Variants in MRPL1 observed in about 807,000 individuals in gnomAD.
MRPL1 encodes mitochondrial ribosomal protein L1.
MRPL1 carries 28 observed loss-of-function variants against 38.0 expected under a neutral mutation model. The ratio of observed to expected loss-of-function variants is 0.74; its 90% CI spans 0.55 to 1.01. MRPL1 has a LOEUF of 1.01. Among genes scored for constraint, MRPL1 ranks in the 50% least tolerant of loss-of-function variants. MRPL1 has a pLI of 0.00. For missense variants in MRPL1, 358 were observed against 389.8 expected (o/e 0.92, Z 0.69); for synonymous variants, 123 against 126.7 (o/e 0.97, Z 0.20).
At position 77,896,212 on chromosome 4, in the gene MRPL1, CT is replaced by C. The variant is rs1560464762; in HGVS notation, c.670+1968del. Among the ~76,000 whole-genome samples the C allele has an allele frequency of 2.4e-5, 3 of 123,386 alleles. No individual in the cohort carries two copies. The South Asian group carries it at 7.5e-4, about 31-fold the overall frequency. 80.9% of individuals were successfully genotyped at this position (123,386 alleles called of 152,430 possible). A position where few individuals can be genotyped will look rare whatever the true frequency, so the allele number is the denominator to read the frequency against. On this transcript the variant is annotated intron_variant, in intron 6 of 8. Transcript: ENST00000315567. ...TCATTGGCATCTCAATATTTGGAAC[CT>C]TTTTTAGTTTTCAAATACCTTATTT...
At chr4:77,952,076 C>T (rs140836806) in intron 8 of MRPL1, among the ~76,000 whole-genome samples, 2 of 152,288 alleles carry the variant, frequency 1.3e-5, no homozygotes, top group Admixed American at 6.5e-5. Context: ...TTGAACTGCA[C>T]GGTGGCAGAA....
At chr4:77,948,421 G>A (rs921331135) in intron 7 of MRPL1, among the ~76,000 whole-genome samples, 3 of 152,288 alleles carry the variant, frequency 2.0e-5, no homozygotes, top group Non-Finnish European at 4.4e-5. Context: ...ATTAAAGTCT[G>A]TACGGTGTAT....
intron 7 of MRPL1, among the ~76,000 whole-genome samples, chr4:77,930,088 T>G (rs777814699): frequency 1.2e-4 from 19 of 152,164 alleles, no homozygotes; most frequent in Non-Finnish European, 2.9e-5. Flanking sequence ...AGTTTGCCAT[T>G]TGTCCCCTTC....
intron 7 of MRPL1, among the ~76,000 whole-genome samples, chr4:77,918,567 G>A (rs1436683893): frequency 6.6e-6 from 1 of 152,038 alleles, no homozygotes; most frequent in East Asian, 1.9e-4. Flanking sequence ...CCCATCCCAT[G>A]GTCCATAGCT....
At chr4:77,880,883 C>T (rs1391207954) in intron 2 of MRPL1, among the ~76,000 whole-genome samples, 2 of 152,154 alleles carry the variant, frequency 1.3e-5, no homozygotes, top group African/African-American at 2.4e-5. Flanking sequence ...ATGACCTTGG[C>T]TGGACTTGTA....
At chr4:77,882,400 G>A (rs1467919747) in intron 2 of MRPL1, among the ~76,000 whole-genome samples, 1 of 152,106 alleles carries the variant, frequency 6.6e-6, no homozygotes, top group East Asian at 1.9e-4. Flanking sequence ...ACTCACAGTT[G>A]TGCAGCCATC....
chr4:77,918,036 A>T (rs35938368), intron 7 of MRPL1, among the ~76,000 whole-genome samples: 1,563 of 149,678 alleles, frequency 0.01, 12 homozygotes, highest in Non-Finnish European at 0.018. Context: ...CCTGGGCAAC[A>T]GAGCGAGACT....
At chr4:77,889,992 C>T (rs1484471255) in intron 5 of MRPL1, among the ~76,000 whole-genome samples, 1 of 152,134 alleles carries the variant, frequency 6.6e-6, no homozygotes, top group Admixed American at 6.5e-5. Flanking sequence ...TAATTAATAG[C>T]CTATCAACCA....
chr4:77,893,085 C>T (rs376169644), intron 5 of MRPL1, among the ~76,000 whole-genome samples: 1 of 152,056 alleles, frequency 6.6e-6, no homozygotes, highest in Non-Finnish European at 1.5e-5. Context: ...TTTAATTCAC[C>T]GTGTACCCCT....
In MRPL1 at chr4:77,942,328, G is replaced by A. The variant is rs534035340; in HGVS notation, c.778-7469G>A. 3.8e-4 allele frequency among the ~76,000 whole-genome samples: 58 copies of A among 152,280 alleles called. 1 individual carries two copies. The South Asian group carries it at 0.012, about 31-fold the overall frequency. On this transcript the variant is annotated intron_variant, in intron 7 of 8. Transcript: ENST00000315567. ...TGTTCCATGTGCTGATGAATGGAAT[G>A]TATATTCTGCAGTTGTTGGGTAGAA...
At chr4:77,936,578 C>T (rs1319519996) in intron 7 of MRPL1, among the ~76,000 whole-genome samples, 1 of 152,208 alleles carries the variant, frequency 6.6e-6, no homozygotes, top group East Asian at 1.9e-4. Flanking sequence ...TGTTAGAATA[C>T]AACTGTGCTC....
At chr4:77,928,789 AC>A (rs1736778737) in intron 7 of MRPL1, among the ~76,000 whole-genome samples, 1 of 152,066 alleles carries the variant, frequency 6.6e-6, no homozygotes, top group Non-Finnish European at 1.5e-5. Flanking sequence ...TTGATCAAAA[AC>A]TATTTTTGAT....
intron 6 of MRPL1, among the ~76,000 whole-genome samples, chr4:77,905,870 A>T (rs1395241429): frequency 1.3e-5 from 2 of 152,148 alleles, no homozygotes; most frequent in Admixed American, 6.5e-5. Flanking sequence ...CAAAATTATG[A>T]AGTCCTTTAT....
At chr4:77,916,626 A>C (rs1736430019) in intron 7 of MRPL1, among the ~76,000 whole-genome samples, 1 of 152,162 alleles carries the variant, frequency 6.6e-6, no homozygotes, top group African/African-American at 2.4e-5. Context: ...ATGTCTTCAA[A>C]TATATAGTAT....
intron 1 of MRPL1, among the ~76,000 whole-genome samples, chr4:77,865,335 T>C (rs906816571): frequency 3.3e-5 from 5 of 152,168 alleles, no homozygotes; most frequent in African/African-American, 1.2e-4. Context: ...TAAAATCAAA[T>C]TCATTGTCAT....
intron 6 of MRPL1, among the ~76,000 whole-genome samples, chr4:77,901,603 A>C (rs1311989274): frequency 6.6e-6 from 1 of 152,178 alleles, no homozygotes; most frequent in Non-Finnish European, 1.5e-5. Context: ...TTCTATATTA[A>C]TATCAGACAA....
Position 77,883,296 on chromosome 4 carries a change from A to G in MRPL1, c.198A>G (p.Lys66=). 2 of 1,601,190 alleles carry G rather than the reference A, an allele frequency of 1.2e-6. No homozygotes were observed. Among genetic ancestry groups the G allele is most frequent in the Non-Finnish European group, 1.7e-6 (2 of 1,176,446 alleles). The change falls in exon 3 of 9, where the codon AAA becomes AAG. Residue 66 remains lysine, a synonymous_variant. Transcript: ENST00000315567. ...GAKEKTPDEK[K]DEIEKIKAYP... ...AAGAAAAAACACCAGATGAGAAAAA[A>G]GATGAAATAGAAAAAATAAAAGCAT...
chr4:77,904,032 G>A (rs1399190957), intron 6 of MRPL1, among the ~76,000 whole-genome samples: 3 of 151,778 alleles, frequency 2.0e-5, no homozygotes, highest in African/African-American at 7.3e-5. Flanking sequence ...GGTTTCGTGA[G>A]TTCAGGAATT....
At chr4:77,945,721 C>G (rs1354552589) in intron 7 of MRPL1, among the ~76,000 whole-genome samples, 1 of 151,956 alleles carries the variant, frequency 6.6e-6, no homozygotes, top group African/African-American at 2.4e-5. Flanking sequence ...GTGATGCCCA[C>G]CTGAGCCACA....
Sources: gnomAD v4.1 joint callset for allele counts (sites outside exome capture counted in the v4.1 genomes callset) on GRCh38, gnomAD v4.1.1 for gene constraint, MANE v1.5 for transcripts, NCBI Gene and HGNC (gene_info 2026-07-23, HGNC 2026-07-21) for gene names.